TRIP12: variants seen among roughly 807,000 people sequenced by gnomAD.
TRIP12 encodes thyroid hormone receptor interactor 12, also known as E3 ubiquitin-protein ligase TRIP12.
Under a neutral mutation model 244.2 loss-of-function variants are expected in TRIP12, and 25 were observed. The ratio of observed to expected loss-of-function variants is 0.10; its 90% CI spans 0.07 to 0.14. The LOEUF is 0.14. Ranked by LOEUF, TRIP12 falls within the 10% of genes least tolerant of loss-of-function variation. The pLI, the probability that TRIP12 is intolerant of heterozygous loss-of-function variation, is 1.00. For missense variants in TRIP12, 1,677 were observed against 2,486.4 expected (o/e 0.67, Z 6.92); for synonymous variants, 905 against 873.1 (o/e 1.04, Z -0.64).
At chr2:229,798,486 C>T (rs1185413750) in intron 23 of TRIP12, among the ~76,000 whole-genome samples, 4 of 149,326 alleles carry the variant, frequency 2.7e-5, no homozygotes, top group Non-Finnish European at 5.9e-5. Context: ...AAAAGGCTCT[C>T]CCCTAAAATC....
intron 1 of TRIP12, among the ~76,000 whole-genome samples, chr2:229,899,811 C>T (rs1194668888): frequency 6.6e-6 from 1 of 152,154 alleles, no homozygotes; most frequent in African/African-American, 2.4e-5. Flanking sequence ...GGTCTAGGGG[C>T]ATGAATGAAT....
chr2:229,776,202 G>A (rs2036201764), intron 37 of TRIP12, among the ~76,000 whole-genome samples: 1 of 151,950 alleles, frequency 6.6e-6, no homozygotes, highest in African/African-American at 2.4e-5. Flanking sequence ...GTAGTTGTTG[G>A]GATTAAATAA....
At chr2:229,780,735 AT>A (rs1341199780) in intron 34 of TRIP12, among the ~76,000 whole-genome samples, 1 of 152,122 alleles carries the variant, frequency 6.6e-6, no homozygotes, top group Non-Finnish European at 1.5e-5. Context: ...CATCCCCATA[AT>A]GCTTCATCCT....
At chr2:229,820,504 C>G (rs80254090) in intron 8 of TRIP12, among the ~76,000 whole-genome samples, 13,506 of 152,068 alleles carry the variant, frequency 0.089, 865 homozygotes, top group East Asian at 0.28. Flanking sequence ...CCACAAAGCA[C>G]TTTTGTTTAT....
chr2:229,841,579 A>C (rs1429509525), intron 4 of TRIP12, among the ~76,000 whole-genome samples: 1 of 152,222 alleles, frequency 6.6e-6, no homozygotes, highest in Non-Finnish European at 1.5e-5. Context: ...TTTATGAACA[A>C]TAAGAAAGCC....
At chr2:229,883,853 AC>A (rs1337074527) in intron 1 of TRIP12, among the ~76,000 whole-genome samples, 1 of 152,196 alleles carries the variant, frequency 6.6e-6, no homozygotes, top group Non-Finnish European at 1.5e-5. Context: ...ACATAGAGAA[AC>A]AAAAACAAAA....
intron 4 of TRIP12, among the ~76,000 whole-genome samples, chr2:229,844,263 T>C (rs1429519252): frequency 6.6e-6 from 1 of 152,234 alleles, no homozygotes; most frequent in African/African-American, 2.4e-5. Flanking sequence ...TACATTAGAC[T>C]ATTATTTAAT....
chr2:229,892,271 A>T (rs1173901771), intron 1 of TRIP12, among the ~76,000 whole-genome samples: 1 of 152,236 alleles, frequency 6.6e-6, no homozygotes, highest in Non-Finnish European at 1.5e-5. Flanking sequence ...CTGAAGAGAC[A>T]TTTTAAGCTG....
chr2:229,920,696 G>A (rs1051241562), intron 1 of TRIP12, among the ~76,000 whole-genome samples: 2 of 152,104 alleles, frequency 1.3e-5, no homozygotes, highest in African/African-American at 4.8e-5. Flanking sequence ...TCCCCCACCA[G>A]GAGTTCAAAG....
intron 6 of TRIP12, 148 bp downstream of exon 6, chr2:229,836,700 C>A: frequency 1.0e-6 from 1 of 995,904 alleles, no homozygotes. Context: ...CAACCAAATC[C>A]AACTAATCAA....
intron 34 of TRIP12, among the ~76,000 whole-genome samples, chr2:229,780,123 A>T (rs978133325): frequency 6.6e-6 from 1 of 152,316 alleles, no homozygotes; most frequent in East Asian, 1.9e-4. Flanking sequence ...CAAAACAGAG[A>T]TCTGCTTGGG....
chr2:229,844,679 T>G (rs980079923), intron 4 of TRIP12, among the ~76,000 whole-genome samples: 2 of 152,222 alleles, frequency 1.3e-5, no homozygotes, highest in African/African-American at 4.8e-5. Context: ...ATGTATTTGA[T>G]AAGACTCTAT....
intron 4 of TRIP12, among the ~76,000 whole-genome samples, chr2:229,842,220 AAG>A (rs950865185): frequency 6.6e-6 from 1 of 152,218 alleles, no homozygotes; most frequent in African/African-American, 2.4e-5. Flanking sequence ...TGATTGGCTT[AAG>A]AGTTTCTTAA....
At chr2:229,850,977 C>A (rs574923681) in intron 4 of TRIP12, among the ~76,000 whole-genome samples, 1 of 152,350 alleles carries the variant, frequency 6.6e-6, no homozygotes, top group East Asian at 1.9e-4. Context: ...GGGAGAGCAG[C>A]CCACCATGGC....
chr2:229,859,398 G>A lies in TRIP12; in HGVS notation c.401C>T (p.Pro134Leu), dbSNP rs1358409545. 6.2e-7 allele frequency: 1 copy of A among 1,613,990 alleles called. No homozygotes were observed. The highest frequency in any genetic ancestry group is 1.3e-5 in the African/African-American group (1 of 74,882). Residue 134 changes from proline (P) to leucine (L), a missense_variant, in exon 4 of 42, where the codon CCA becomes CTA. This residue lies in a region of TRIP12 where 387 missense variants were observed against 392.6 expected (regional missense o/e 0.99). Transcript: ENST00000675903. ...AGATTCAGTATGCTGAAGTGCTTTT[G>A]GTTTTTTTGCAGAGCTAGGAGAATT... ...RTNSPSSAKK[P>L]KALQHTESPS...
chr2:229,895,884 G>T (rs1325038026), intron 1 of TRIP12, among the ~76,000 whole-genome samples: 3 of 152,106 alleles, frequency 2.0e-5, no homozygotes, highest in Admixed American at 1.3e-4. Flanking sequence ...GCCACATGTA[G>T]AGCTGTGCAG....
intron 8 of TRIP12, among the ~76,000 whole-genome samples, chr2:229,823,106 T>C (rs1267002004): frequency 6.6e-6 from 1 of 152,182 alleles, no homozygotes; most frequent in Non-Finnish European, 1.5e-5. Flanking sequence ...TGTATGATCC[T>C]GATACTCTCC....
In TRIP12 at chr2:229,859,204, C is replaced by T. The variant is rs750410318; in HGVS notation, c.595G>A (p.Val199Ile). ...QKRKRTESSC[V>I]KSGSGSESTG... ...GATTCAGACCCGGAGCCACTCTTTACACAAGAACTCTCTGTCCTTTTTCTT... is the reference window on the plus strand; with the variant it reads ...GATTCAGACCCGGAGCCACTCTTTATACAAGAACTCTCTGTCCTTTTTCTT... The change falls in exon 4 of 42, where the codon GTA (valine) becomes ATA (isoleucine). Residue 199 changes from valine to isoleucine, a missense_variant. Val to Ile is a conservative substitution (Grantham distance 29, BLOSUM62 3). This residue lies in a region of TRIP12 where 387 missense variants were observed against 392.6 expected (regional missense o/e 0.99). Coordinates refer to ENST00000675903, the MANE Select transcript of TRIP12 (RefSeq NM_001348323.3). The T allele has an allele frequency of 6.2e-7, 1 of 1,614,196 alleles. No homozygotes were observed. Among genetic ancestry groups the T allele is most frequent in the South Asian group, 1.1e-5 (1 of 91,090 alleles).
intron 27 of TRIP12, 115 bp from the exon 28 acceptor site, chr2:229,792,341 C>A: frequency 9.9e-7 from 1 of 1,015,048 alleles, no homozygotes; most frequent in South Asian, 1.5e-5. Flanking sequence ...GTTGAGTATC[C>A]CTTATCTGAA....
Sources: gnomAD v4.1 joint callset for allele counts (sites outside exome capture counted in the v4.1 genomes callset) on GRCh38, gnomAD v4.1.1 for gene constraint, gnomAD v4.1.1 regional missense constraint, MANE v1.5 for transcripts, NCBI Gene and HGNC (gene_info 2026-07-23, HGNC 2026-07-21) for gene names.